The following PRRX1 variants were observed in gnomAD, a reference collection of about 807,000 sequenced individuals.
PRRX1 encodes paired mesoderm homeobox protein 1.
Under a neutral mutation model 24.0 loss-of-function variants are expected in PRRX1, and 8 were observed. The ratio of observed to expected loss-of-function variants is 0.33; its 90% CI spans 0.20 to 0.60. The LOEUF is 0.60. Among genes scored for constraint, PRRX1 ranks in the 20% least tolerant of loss-of-function variants. The probability of loss-of-function intolerance (pLI) is 0.82; values close to 1 mark genes in which losing one functional copy is unlikely to be tolerated. For missense variants in PRRX1, 281 were observed against 322.4 expected, an observed-to-expected ratio of 0.87 and a Z score of 0.98; for synonymous variants, 160 against 131.7, an observed-to-expected ratio of 1.22 and a Z score of -1.47.
At chr1:170,688,338 T>A (rs527753579) in intron 1 of PRRX1, among the ~76,000 whole-genome samples, 1 of 152,224 alleles carries the variant, frequency 6.6e-6, no homozygotes, top group Non-Finnish European at 1.5e-5. Flanking sequence ...AATTAAGGTA[T>A]CTATTTTTTT....
chr1:170,668,728 A>G (rs1372408884), intron 1 of PRRX1: 1 of 152,216 alleles, frequency 6.6e-6, no homozygotes, highest in African/African-American at 2.4e-5. Flanking sequence ...TCACAGTAAT[A>G]TCAGCTTCTA....
At chr1:170,709,502 C>T (rs1654675623) in intron 1 of PRRX1, among the ~76,000 whole-genome samples, 2 of 152,144 alleles carry the variant, frequency 1.3e-5, no homozygotes, top group Non-Finnish European at 2.9e-5. Flanking sequence ...TGTTTTCTAA[C>T]CTTGCACTCT....
At chr1:170,707,496 T>C (rs556110925) in intron 1 of PRRX1, among the ~76,000 whole-genome samples, 2 of 152,364 alleles carry the variant, frequency 1.3e-5, no homozygotes, top group East Asian at 3.9e-4. Context: ...ATTGATTTAA[T>C]GCAAACACTG....
intron 1 of PRRX1, among the ~76,000 whole-genome samples, chr1:170,705,670 C>T (rs981820114): frequency 6.6e-6 from 1 of 152,060 alleles, no homozygotes; most frequent in African/African-American, 2.4e-5. Context: ...CTGGGAGCTC[C>T]TACCAGAAAC....
intron 1 of PRRX1, among the ~76,000 whole-genome samples, chr1:170,670,319 T>A (rs1018273857): frequency 6.6e-5 from 10 of 152,210 alleles, no homozygotes; most frequent in Admixed American, 4.6e-4. Context: ...TCCTTTAAAA[T>A]CAAACGGCTT....
intron 1 of PRRX1, among the ~76,000 whole-genome samples, chr1:170,664,906 C>A (rs13374413): frequency 0.079 from 12,032 of 152,216 alleles, 1,126 homozygotes; most frequent in African/African-American, 0.23. Context: ...TCTCGGGCAG[C>A]GTATGACGGC....
Position 170,738,916 on chromosome 1 carries a change from A to ACT in PRRX1, c.*2731_*2732dup, listed in dbSNP as rs1655708625. ...GTGCTGGTCAGCCAAAGAAACATTC[A>ACT]CTGCTGGTGAACCAATACCATAAGC... On this transcript the variant is annotated 3_prime_UTR_variant, in exon 4 of 4. Transcript: ENST00000239461. The ACT allele has an allele frequency of 4.4e-6, 1 of 228,754 alleles. No homozygotes were observed. The highest frequency in any genetic ancestry group is 1.8e-4 in the South Asian group (1 of 5,474). 14.2% of individuals were successfully genotyped at this position (228,754 alleles called of 1,614,324 possible). A position where few individuals can be genotyped will look rare whatever the true frequency, so the allele number is the denominator to read the frequency against.
chr1:170,687,416 GTCTTT>G (rs758208395), intron 1 of PRRX1, among the ~76,000 whole-genome samples: 1 of 152,122 alleles, frequency 6.6e-6, no homozygotes, highest in Non-Finnish European at 1.5e-5. Flanking sequence ...TGTGAATTCT[GTCTTT>G]TCTTTCCTGC....
chr1:170,735,126 C>T (rs1655563514), intron 3 of PRRX1, among the ~76,000 whole-genome samples: 2 of 152,162 alleles, frequency 1.3e-5, no homozygotes, highest in Admixed American at 6.5e-5. Context: ...GACTAATTTG[C>T]TATTAAGTCT....
At chr1:170,716,041 T>C (rs1347267332) in intron 1 of PRRX1, among the ~76,000 whole-genome samples, 1 of 152,194 alleles carries the variant, frequency 6.6e-6, no homozygotes. Context: ...GCAAGTCACG[T>C]TGTTCTTCTA....
intron 1 of PRRX1, among the ~76,000 whole-genome samples, chr1:170,710,235 T>G (rs906911903): frequency 1.3e-5 from 2 of 152,174 alleles, no homozygotes; most frequent in Non-Finnish European, 2.9e-5. Flanking sequence ...AAGAATATAA[T>G]TCAGTCATCA....
chr1:170,671,046 C>G (rs1342386608), intron 1 of PRRX1, among the ~76,000 whole-genome samples: 4 of 152,176 alleles, frequency 2.6e-5, no homozygotes, highest in African/African-American at 9.7e-5. Flanking sequence ...CCAGGCTCAG[C>G]TCTCTTACAA....
At chr1:170,718,190 C>T (rs1654966429) in intron 1 of PRRX1, among the ~76,000 whole-genome samples, 1 of 152,168 alleles carries the variant, frequency 6.6e-6, no homozygotes, top group South Asian at 2.1e-4. Flanking sequence ...TGAAAACAAA[C>T]TCAGCAAGCA....
chr1:170,679,544 T>C (rs949255100), intron 1 of PRRX1, among the ~76,000 whole-genome samples: 7 of 152,098 alleles, frequency 4.6e-5, no homozygotes, highest in South Asian at 2.1e-4. Flanking sequence ...GGACTACAGG[T>C]GCCTGCCACC....
chr1:170,664,031 C>A (rs1249411709), upstream of PRRX1: 5 of 587,722 alleles, frequency 8.5e-6, no homozygotes, highest in Admixed American at 1.4e-4. Context: ...GGGGGTCCCC[C>A]ACCCTCTTTT....
intron 1 of PRRX1, among the ~76,000 whole-genome samples, chr1:170,686,081 G>A (rs1653722816): frequency 6.7e-6 from 1 of 148,892 alleles, no homozygotes; most frequent in African/African-American, 2.5e-5. Flanking sequence ...CTCCAAGGCT[G>A]TCAATCCGGC....
At chr1:170,703,919 G>C (rs1370796506) in intron 1 of PRRX1, among the ~76,000 whole-genome samples, 2 of 152,178 alleles carry the variant, frequency 1.3e-5, no homozygotes, top group Non-Finnish European at 2.9e-5. Context: ...GTCCTAAATT[G>C]TGTGAATCGA....
At chr1:170,728,025 A>T (rs1317856069) in intron 3 of PRRX1, 1 of 152,220 alleles carries the variant, frequency 6.6e-6, no homozygotes, top group Admixed American at 6.5e-5. Flanking sequence ...TGTGGTTCAA[A>T]GCCTGATGCT....
chr1:170,677,963 A>G (rs1433615346), intron 1 of PRRX1, among the ~76,000 whole-genome samples: 2 of 152,198 alleles, frequency 1.3e-5, no homozygotes, highest in Non-Finnish European at 2.9e-5. Flanking sequence ...CAGACCTGAC[A>G]TAGCTAGTAA....
Sources: gnomAD v4.1 joint callset for allele counts (sites outside exome capture counted in the v4.1 genomes callset) on GRCh38, gnomAD v4.1.1 for gene constraint, MANE v1.5 for transcripts, NCBI Gene and HGNC (gene_info 2026-07-23, HGNC 2026-07-21) for gene names.